The following ZDHHC17 variants were observed in gnomAD, a reference collection of about 807,000 sequenced individuals.
ZDHHC17 encodes the protein palmitoyltransferase ZDHHC17.
A neutral mutation model predicts 90.3 loss-of-function variants in ZDHHC17; 40 were observed. That is an observed-to-expected ratio of 0.44 (90% CI 0.34 to 0.58). ZDHHC17 has a LOEUF of 0.58. Ranked by LOEUF, ZDHHC17 falls within the 20% of genes least tolerant of loss-of-function variation. The pLI, the probability that ZDHHC17 is intolerant of heterozygous loss-of-function variation, is 0.01. For synonymous variants in ZDHHC17, 235 were observed against 252.4 expected, an observed-to-expected ratio of 0.93 and a Z score of 0.65; for missense variants, 614 against 780.8, an observed-to-expected ratio of 0.79 and a Z score of 2.55.
intron 7 of ZDHHC17, among the ~76,000 whole-genome samples, chr12:76,817,514 A>G (rs1953104398): frequency 6.6e-6 from 1 of 152,116 alleles, no homozygotes; most frequent in Admixed American, 6.6e-5. Context: ...AAATTATAGT[A>G]ATACCAAAGA....
intron 1 of ZDHHC17, among the ~76,000 whole-genome samples, chr12:76,788,164 T>C (rs570584785): frequency 2.0e-5 from 3 of 152,332 alleles, no homozygotes; most frequent in South Asian, 2.1e-4. Context: ...TTATCTCTAC[T>C]CTCTAGAAGA....
chr12:76,786,136 A>T (rs1952683124), intron 1 of ZDHHC17, among the ~76,000 whole-genome samples: 3 of 146,486 alleles, frequency 2.0e-5, no homozygotes, highest in African/African-American at 2.5e-5. Context: ...TTTTTTTTTT[A>T]AAGAGATGGG....
At chr12:76,774,085 C>T (rs1461460281) in intron 1 of ZDHHC17, among the ~76,000 whole-genome samples, 1 of 151,634 alleles carries the variant, frequency 6.6e-6, no homozygotes, top group Non-Finnish European at 1.5e-5. Context: ...CCTGTCTCTA[C>T]AAAAAAATAA....
intron 7 of ZDHHC17, among the ~76,000 whole-genome samples, chr12:76,816,911 TTTTTCTTTCTTCTAAAAAAA>T (rs1953094957): frequency 6.6e-6 from 1 of 152,020 alleles, no homozygotes; most frequent in African/African-American, 2.4e-5. Flanking sequence ...ATCATGTATA[TTTTTCTTTCTTCTAAAAAAA>T]TTTCAAGTCT....
In ZDHHC17 at chr12:76,850,888, G is replaced by C. The variant is rs761412488; in HGVS notation, c.1802G>C (p.Arg601Pro). 2.7e-5 allele frequency: 44 copies of C among 1,613,722 alleles called. No homozygotes were observed. Among genetic ancestry groups the C allele is most frequent in the Admixed American group, 6.7e-5 (4 of 59,982 alleles). The change falls in exon 17 of 17, where the codon CGA (arginine) becomes CCA (proline). Residue 601 changes from arginine to proline, a missense_variant. This residue lies in a region of ZDHHC17 where 111 missense variants were observed against 179.8 expected (regional missense o/e 0.62). Coordinates refer to ENST00000426126, the MANE Select transcript of ZDHHC17 (RefSeq NM_015336.4). The part of the protein sequence containing the change: ...VRNIIDFFEF[R>P]CCGLFRPVIV... ...AATATTATAGACTTCTTTGAATTTCGATGCTGTGGCCTCTTTCGTCCTGTT... is the reference window on the plus strand; with the variant it reads ...AATATTATAGACTTCTTTGAATTTCCATGCTGTGGCCTCTTTCGTCCTGTT...
intron 1 of ZDHHC17, among the ~76,000 whole-genome samples, chr12:76,787,768 A>G (rs1952707577): frequency 6.6e-6 from 1 of 152,216 alleles, no homozygotes. Context: ...GAACATTAGT[A>G]GTAAAACCAT....
At chr12:76,789,103 T>G (rs1952729924) in intron 1 of ZDHHC17, among the ~76,000 whole-genome samples, 1 of 152,180 alleles carries the variant, frequency 6.6e-6, no homozygotes. Flanking sequence ...TTATAATTCT[T>G]TTGCAAAACA....
rs1693622255 is a variant in ZDHHC17 at position 76,815,083 on chromosome 12, A to G, written c.544-63A>G. 3 of 1,235,618 alleles carry G rather than the reference A, an allele frequency of 2.4e-6. No individual in the cohort carries two copies. The South Asian group carries it at 4.2e-5, about 17-fold the overall frequency. 76.5% of individuals were successfully genotyped at this position (1,235,618 alleles called of 1,614,324 possible). A position where few individuals can be genotyped will look rare whatever the true frequency, so the allele number is the denominator to read the frequency against. ...TTTTATATATAGATTAGATTTTTCC[A>G]AGCAAATTTGGTTAGGAACTTATAA... is the stretch of plus-strand genomic sequence containing the variant. On this transcript the variant is annotated intron_variant, in intron 5 of 16. Transcript: ENST00000426126.
intron 1 of ZDHHC17, among the ~76,000 whole-genome samples, chr12:76,778,224 T>G (rs1290184591): frequency 5.3e-5 from 8 of 152,142 alleles, no homozygotes; most frequent in Admixed American, 5.2e-4. Context: ...TTGTTTGTTT[T>G]TTTGAGATGG....
intron 7 of ZDHHC17, among the ~76,000 whole-genome samples, chr12:76,820,809 GTTACATAGTCTAT>G (rs1953155265): frequency 6.6e-6 from 1 of 152,088 alleles, no homozygotes; most frequent in Non-Finnish European, 1.5e-5. Flanking sequence ...TTTATTAACA[GTTACATAGTCTAT>G]AATTACTCCA....
chr12:76,787,245 T>G (rs994510951), intron 1 of ZDHHC17, among the ~76,000 whole-genome samples: 1 of 152,188 alleles, frequency 6.6e-6, no homozygotes, highest in African/African-American at 2.4e-5. Context: ...AAGGTCACTT[T>G]CATAATATTA....
chr12:76,773,518 A>ACCC (rs1460020628), intron 1 of ZDHHC17, among the ~76,000 whole-genome samples: 1 of 152,082 alleles, frequency 6.6e-6, no homozygotes, highest in Non-Finnish European at 1.5e-5. Flanking sequence ...TTGTTCATTT[A>ACCC]CTTTTCACAG....
At chr12:76,825,437 A>G (rs770682968) in intron 8 of ZDHHC17, among the ~76,000 whole-genome samples, 18 of 152,196 alleles carry the variant, frequency 1.2e-4, no homozygotes, top group Non-Finnish European at 2.5e-4. Flanking sequence ...CATTACCATT[A>G]TATTTTTATA....
At chr12:76,778,332 G>T (rs1952584096) in intron 1 of ZDHHC17, among the ~76,000 whole-genome samples, 1 of 152,120 alleles carries the variant, frequency 6.6e-6, no homozygotes, top group African/African-American at 2.4e-5. Flanking sequence ...CTACTCTCCT[G>T]CCTTAGCTTC....
At chr12:76,787,704 T>C (rs1952706759) in intron 1 of ZDHHC17, among the ~76,000 whole-genome samples, 1 of 152,082 alleles carries the variant, frequency 6.6e-6, no homozygotes, top group Non-Finnish European at 1.5e-5. Flanking sequence ...TTCAAAGGTA[T>C]CTAAAATCAG....
intron 2 of ZDHHC17, among the ~76,000 whole-genome samples, chr12:76,799,387 A>C (rs192304230): frequency 2.0e-5 from 3 of 152,336 alleles, no homozygotes; most frequent in Admixed American, 2.0e-4. Flanking sequence ...TTGGTCTCTT[A>C]ATATCCATTC....
At chr12:76,784,791 A>G (rs1465266116) in intron 1 of ZDHHC17, among the ~76,000 whole-genome samples, 1 of 152,230 alleles carries the variant, frequency 6.6e-6, no homozygotes, top group Non-Finnish European at 1.5e-5. Context: ...ACATGTCTTT[A>G]CTAGTACGAT....
At chr12:76,771,402 A>G (rs1313353403) in intron 1 of ZDHHC17, among the ~76,000 whole-genome samples, 1 of 152,202 alleles carries the variant, frequency 6.6e-6, no homozygotes, top group Non-Finnish European at 1.5e-5. Context: ...GGGTTAATAC[A>G]TACTAAACAT....
intron 8 of ZDHHC17, among the ~76,000 whole-genome samples, chr12:76,825,930 T>A (rs1045167041): frequency 6.6e-6 from 1 of 152,064 alleles, no homozygotes; most frequent in Non-Finnish European, 1.5e-5. Flanking sequence ...TCCTCCCACC[T>A]CAGGCTCCCG....
Sources: gnomAD v4.1 joint callset for allele counts (sites outside exome capture counted in the v4.1 genomes callset) on GRCh38, gnomAD v4.1.1 for gene constraint, gnomAD v4.1.1 regional missense constraint, MANE v1.5 for transcripts, NCBI Gene and HGNC (gene_info 2026-07-23, HGNC 2026-07-21) for gene names.